SGCZ: variants seen among roughly 807,000 people sequenced by gnomAD.
SGCZ encodes the protein sarcoglycan zeta, also known as zeta-sarcoglycan.
Under a neutral mutation model 41.3 loss-of-function variants are expected in SGCZ, and 40 were observed. That is an observed-to-expected ratio of 0.97 (90% CI 0.75 to 1.26). SGCZ has a LOEUF of 1.26. Ranked by LOEUF, SGCZ falls within the 50% of genes most tolerant of loss-of-function variation. The pLI is 0.00. For synonymous variants in SGCZ, 206 were observed against 137.5 expected (o/e 1.50, Z -3.49); for missense variants, 552 against 369.8 (o/e 1.49, Z -4.04).
At chr8:14,903,842 T>A (rs1051453215) in intron 1 of SGCZ, among the ~76,000 whole-genome samples, 3 of 151,970 alleles carry the variant, frequency 2.0e-5, no homozygotes, top group African/African-American at 7.2e-5. Context: ...GATTTTGGGT[T>A]AAAGTGAAGA....
chr8:14,853,303 C>T, intron 1 of SGCZ: 1 of 236,100 alleles, frequency 4.2e-6, no homozygotes. Context: ...GACAAGCTTC[C>T]AAACACAGGT....
intron 1 of SGCZ, among the ~76,000 whole-genome samples, chr8:14,776,607 T>G (rs901167680): frequency 1.3e-4 from 19 of 150,048 alleles, no homozygotes. Context: ...CATTCTCCTG[T>G]CTCAGCCTCC....
At chr8:14,166,216 T>G in intron 4 of SGCZ, among the ~76,000 whole-genome samples, 1 of 152,178 alleles carries the variant, frequency 6.6e-6, no homozygotes, top group East Asian at 1.9e-4. Flanking sequence ...AATTCATGCT[T>G]TTTAAAAATT....
intron 5 of SGCZ, among the ~76,000 whole-genome samples, chr8:14,155,193 G>A (rs910890786): frequency 6.6e-6 from 1 of 152,130 alleles, no homozygotes; most frequent in Non-Finnish European, 1.5e-5. Context: ...ATTTTTCCTT[G>A]ATTCCTGACC....
At chr8:14,940,806 A>G (rs1015894167) in intron 1 of SGCZ, among the ~76,000 whole-genome samples, 2 of 152,090 alleles carry the variant, frequency 1.3e-5, no homozygotes, top group Non-Finnish European at 2.9e-5. Flanking sequence ...AAATGAAGTC[A>G]GAAGTGAAAC....
At chr8:15,056,506 G>A (rs754210917) in intron 1 of SGCZ, among the ~76,000 whole-genome samples, 6 of 150,668 alleles carry the variant, frequency 4.0e-5, no homozygotes, top group Non-Finnish European at 8.8e-5. Context: ...CATGAATGAT[G>A]TTGTTTTTCT....
At chr8:14,417,518 C>T (rs972322209) in intron 2 of SGCZ, among the ~76,000 whole-genome samples, 2 of 151,796 alleles carry the variant, frequency 1.3e-5, no homozygotes, top group Non-Finnish European at 2.9e-5. Flanking sequence ...TACATAGTAT[C>T]TGGGGATTGT....
chr8:14,795,210 T>C (rs1289221042), intron 1 of SGCZ, among the ~76,000 whole-genome samples: 1 of 152,166 alleles, frequency 6.6e-6, no homozygotes, highest in African/African-American at 2.4e-5. Context: ...ATTTGTTCCT[T>C]AGACAATTAT....
At chr8:14,479,091 C>G (rs1425400637) in intron 2 of SGCZ, among the ~76,000 whole-genome samples, 1 of 152,154 alleles carries the variant, frequency 6.6e-6, no homozygotes, top group Non-Finnish European at 1.5e-5. Flanking sequence ...GAAGTATTGA[C>G]TCACAGGATC....
chr8:15,122,580 C>T (rs1453565382), intron 1 of SGCZ, among the ~76,000 whole-genome samples: 1 of 152,064 alleles, frequency 6.6e-6, no homozygotes, highest in Non-Finnish European at 1.5e-5. Context: ...ACCAAGAAGA[C>T]AGCGAATAAA....
intron 1 of SGCZ, among the ~76,000 whole-genome samples, chr8:15,177,841 A>C (rs925560415): frequency 6.6e-6 from 1 of 152,188 alleles, no homozygotes; most frequent in African/African-American, 2.4e-5. Context: ...GCCTCTGTCC[A>C]GCTTCCAGTC....
intron 1 of SGCZ, among the ~76,000 whole-genome samples, chr8:14,649,850 A>T (rs958702191): frequency 2.0e-5 from 3 of 152,018 alleles, no homozygotes; most frequent in African/African-American, 4.8e-5. Context: ...CTACAGCTGG[A>T]TGGATCTGAG....
chr8:15,236,064 T>C (rs899175645), intron 1 of SGCZ, among the ~76,000 whole-genome samples: 9 of 152,068 alleles, frequency 5.9e-5, no homozygotes, highest in Non-Finnish European at 1.0e-4. Flanking sequence ...CACAGAAACT[T>C]GTTGGCCAAC....
chr8:15,045,906 T>A (rs890342888), intron 1 of SGCZ, among the ~76,000 whole-genome samples: 2 of 152,078 alleles, frequency 1.3e-5, no homozygotes, highest in African/African-American at 2.4e-5. Flanking sequence ...TTTAATGAGA[T>A]AAACTAATAT....
chr8:14,267,479 T>C (rs912443285), intron 3 of SGCZ, among the ~76,000 whole-genome samples: 4 of 152,130 alleles, frequency 2.6e-5, no homozygotes, highest in Non-Finnish European at 5.9e-5. Flanking sequence ...TGGTGTTACA[T>C]GGAGCGTTTA....
intron 1 of SGCZ, among the ~76,000 whole-genome samples, chr8:14,611,925 CA>C (rs1306256428): frequency 6.6e-5 from 10 of 152,070 alleles, no homozygotes; most frequent in African/African-American, 2.2e-4. Flanking sequence ...GTGTAAAATA[CA>C]GGTAAATATG....
At chr8:15,227,952 C>G (rs950327000) in intron 1 of SGCZ, among the ~76,000 whole-genome samples, 2 of 152,132 alleles carry the variant, frequency 1.3e-5, no homozygotes, top group Admixed American at 6.5e-5. Context: ...TTTGAGACAG[C>G]ATGTTATCAT....
At chr8:14,858,638 C>T (rs937246405) in intron 1 of SGCZ, among the ~76,000 whole-genome samples, 5 of 152,084 alleles carry the variant, frequency 3.3e-5, no homozygotes, top group Non-Finnish European at 4.4e-5. Flanking sequence ...TATAAACGAA[C>T]CTTTCCTACG....
chr8:14,653,138 T>G (rs1807457204), intron 1 of SGCZ, among the ~76,000 whole-genome samples: 1 of 152,070 alleles, frequency 6.6e-6, no homozygotes, highest in Admixed American at 6.6e-5. Context: ...GTACAGACAG[T>G]CAGTAACTGG....
Sources: gnomAD v4.1 joint callset for allele counts (sites outside exome capture counted in the v4.1 genomes callset) on GRCh38, gnomAD v4.1.1 for gene constraint, MANE v1.5 for transcripts, NCBI Gene and HGNC (gene_info 2026-07-23, HGNC 2026-07-21) for gene names.